Variants in FBRSL1 observed in about 807,000 individuals in gnomAD.
The protein encoded by FBRSL1 is fibrosin like 1.
A neutral mutation model predicts 89.6 loss-of-function variants in FBRSL1; 51 were observed. The observed-to-expected ratio is 0.57, with a 90% confidence interval of 0.45 to 0.72. The LOEUF is 0.72. Among genes scored for constraint, FBRSL1 ranks in the 30% least tolerant of loss-of-function variants. The pLI is 0.00. For synonymous variants in FBRSL1, 779 were observed against 681.1 expected (o/e 1.14, Z -2.24); for missense variants, 1,618 against 1,451.8 (o/e 1.11, Z -1.86).
chr12:132,511,469 T>A, intron 2 of FBRSL1: 1 of 985,932 alleles, frequency 1.0e-6, no homozygotes, highest in Non-Finnish European at 1.2e-6. Context: ...GCAGCCCCAC[T>A]CGAGTCTTCT....
Position 132,582,180 on chromosome 12 carries a change from G to A in FBRSL1, c.2115G>A (p.Pro705=), listed in dbSNP as rs955893292. 1.9e-6 allele frequency: 3 copies of A among 1,549,980 alleles called. No individual in the cohort carries two copies. The highest frequency in any genetic ancestry group is 1.4e-5 in the African/African-American group (1 of 73,036). ...RAPPSFPAPP[P]WPKSVDAERV... ...CGCCCTCCTTCCCGGCTCCGCCCCCGTGGCCCAAGTCCGTGGACGCGGAGC... is the reference window on the plus strand; with the variant it reads ...CGCCCTCCTTCCCGGCTCCGCCCCCATGGCCCAAGTCCGTGGACGCGGAGC... The change falls in exon 18 of 19, where the codon CCG becomes CCA. Residue 705 remains proline, a synonymous_variant. Transcript: ENST00000680143.
chr12:132,522,607 A>G (rs1467618836), intron 2 of FBRSL1, among the ~76,000 whole-genome samples: 1 of 152,240 alleles, frequency 6.6e-6, no homozygotes, highest in Admixed American at 6.5e-5. Flanking sequence ...CTGACGTCAC[A>G]GAAACTGACA....
chr12:132,558,940 C>T (rs918005253), intron 5 of FBRSL1, among the ~76,000 whole-genome samples: 11 of 152,250 alleles, frequency 7.2e-5, no homozygotes, highest in African/African-American at 2.7e-4. Flanking sequence ...AAACACTTCC[C>T]GACTGCCGGG....
At chr12:132,579,730 G>A (rs570307790) in intron 15 of FBRSL1, among the ~76,000 whole-genome samples, 29 of 152,248 alleles carry the variant, frequency 1.9e-4, no homozygotes, top group African/African-American at 6.7e-4. Flanking sequence ...GTTTTGTCAC[G>A]AGGGCTCTTT....
At chr12:132,574,613 C>T in intron 14 of FBRSL1, 49 bp downstream of exon 14, 5 of 1,531,876 alleles carry the variant, frequency 3.3e-6, no homozygotes, top group Non-Finnish European at 4.4e-6. Context: ...CGACTCCAGC[C>T]TGGTCGGGCC....
chr12:132,580,761 T>A (rs2040689988), intron 15 of FBRSL1: 2 of 985,088 alleles, frequency 2.0e-6, no homozygotes, highest in African/African-American at 1.7e-5. Flanking sequence ...GGAGTCGGAG[T>A]AACCTAAAGA....
intron 2 of FBRSL1, chr12:132,509,979 C>T (rs1296720486): frequency 1.1e-5 from 14 of 1,231,682 alleles, no homozygotes; most frequent in East Asian, 6.3e-5. Context: ...CAGCCGCCCC[C>T]GGCGGTCGCT....
At chr12:132,537,026 G>A (rs1353228531) in intron 4 of FBRSL1, among the ~76,000 whole-genome samples, 17 of 152,200 alleles carry the variant, frequency 1.1e-4, no homozygotes, top group Non-Finnish European at 2.5e-4. Context: ...GGGTGGGGTA[G>A]AGTGGAAGCG....
intron 2 of FBRSL1, among the ~76,000 whole-genome samples, chr12:132,516,373 T>G (rs761409995): frequency 1.2e-4 from 19 of 152,060 alleles, no homozygotes; most frequent in Non-Finnish European, 2.4e-4. Context: ...TTAGTAGAGA[T>G]AGGGTTTCAC....
At chr12:132,571,282 GTCTC>G (rs755501464) in intron 9 of FBRSL1, 51 bp downstream of exon 9, 13 of 1,507,222 alleles carry the variant, frequency 8.6e-6, no homozygotes, top group South Asian at 5.0e-5. Context: ...GTGCCTCTCT[GTCTC>G]TCTCTCTTTT....
At chr12:132,493,815 T>C (rs2031539489) in intron 1 of FBRSL1, among the ~76,000 whole-genome samples, 1 of 152,218 alleles carries the variant, frequency 6.6e-6, no homozygotes, top group African/African-American at 2.4e-5. Context: ...GAGTCCCCGC[T>C]TGTCCTGGGC....
intron 2 of FBRSL1, 96 bp from the exon 3 acceptor site, chr12:132,525,638 G>A: frequency 2.0e-6 from 2 of 991,522 alleles, no homozygotes; most frequent in South Asian, 2.9e-5. Context: ...GGGGTGCTGG[G>A]GTGCCGGGAG....
chr12:132,581,417 C>A, intron 15 of FBRSL1, 22 bp from the exon 16 acceptor site: 2 of 1,550,878 alleles, frequency 1.3e-6, no homozygotes, highest in Middle Eastern at 1.7e-4. Flanking sequence ...TGGCTTCTGT[C>A]AAACCTGGCT....
intron 5 of FBRSL1, among the ~76,000 whole-genome samples, chr12:132,564,042 G>T (rs562296295): frequency 1.3e-3 from 198 of 151,946 alleles, no homozygotes; most frequent in African/African-American, 4.7e-3. Flanking sequence ...ACGGTCACAC[G>T]GCTGCGTGCT....
At chr12:132,517,071 CGG>C (rs1555268785) in intron 2 of FBRSL1, among the ~76,000 whole-genome samples, 1 of 152,232 alleles carries the variant, frequency 6.6e-6, no homozygotes, top group Non-Finnish European at 1.5e-5. Context: ...ATCTTTGTCC[CGG>C]TTGCCAGGCA....
chr12:132,556,358 A>C (rs1226425435), intron 5 of FBRSL1, among the ~76,000 whole-genome samples: 1 of 152,162 alleles, frequency 6.6e-6, no homozygotes, highest in African/African-American at 2.4e-5. Context: ...CCACACTGCC[A>C]GCGTGGCTGT....
chr12:132,577,889 A>G (rs2040479813), intron 15 of FBRSL1, among the ~76,000 whole-genome samples: 1 of 152,222 alleles, frequency 6.6e-6, no homozygotes, highest in African/African-American at 2.4e-5. Context: ...TGCACGGTGC[A>G]CGCCTTTCTA....
At chr12:132,562,293 T>A (rs1420003694) in intron 5 of FBRSL1, among the ~76,000 whole-genome samples, 1 of 152,058 alleles carries the variant, frequency 6.6e-6, no homozygotes, top group African/African-American at 2.4e-5. Context: ...CTGTCCTTCT[T>A]TCTTTGTAAC....
In FBRSL1 at chr12:132,503,368, AG is replaced by A. The variant is rs780447013; in HGVS notation, c.292-4784del. On this transcript the variant is annotated intron_variant, in intron 1 of 18. Coordinates refer to ENST00000680143, the MANE Select transcript of FBRSL1 (RefSeq NM_001367871.1). ...AGGCCTCTGGAACAAGTGAGGTGTC[AG>A]TGAGGCTTGCCGGGGCAGTTTCTGT... Among the ~76,000 whole-genome samples the A allele has an allele frequency of 1.1e-3, 167 of 152,354 alleles. 1 individual carries two copies. Among genetic ancestry groups the A allele is most frequent in the African/African-American group, 4.0e-3 (165 of 41,596 alleles).
Sources: allele counts gnomAD v4.1 joint callset (sites outside exome capture counted in the v4.1 genomes callset), GRCh38; gene constraint gnomAD v4.1.1; transcripts MANE v1.5; gene names NCBI Gene and HGNC (gene_info 2026-07-23, HGNC 2026-07-21).